The following CHST9 variants were observed in gnomAD, a reference collection of about 807,000 sequenced individuals.
The protein encoded by CHST9 is GalNAc-4-sulfotransferase 2.
A neutral mutation model predicts 44.4 loss-of-function variants in CHST9; 41 were observed. The observed-to-expected ratio is 0.92, with a 90% CI of 0.72 to 1.20. The LOEUF is 1.20. Ranked by LOEUF, CHST9 falls within the 50% of genes most tolerant of loss-of-function variation. The pLI, the probability that CHST9 is intolerant of heterozygous loss-of-function variation, is 0.00. For missense variants in CHST9, 504 were observed against 516.5 expected, an observed-to-expected ratio of 0.98 and a Z score of 0.23; for synonymous variants, 171 against 178.4, an observed-to-expected ratio of 0.96 and a Z score of 0.33.
At chr18:27,021,922 C>T (rs1423988728) in intron 4 of CHST9, among the ~76,000 whole-genome samples, 1 of 152,188 alleles carries the variant, frequency 6.6e-6, no homozygotes, top group Non-Finnish European at 1.5e-5. Flanking sequence ...TGGCCTCAAG[C>T]AATCCCCCTA....
At chr18:27,071,246 T>C (rs1300098672) in intron 2 of CHST9, among the ~76,000 whole-genome samples, 2 of 152,204 alleles carry the variant, frequency 1.3e-5, no homozygotes, top group Non-Finnish European at 2.9e-5. Context: ...TCTTCCTCTT[T>C]ATCTAGCCTT....
At chr18:27,109,334 A>T (rs553641020) in intron 2 of CHST9, among the ~76,000 whole-genome samples, 3 of 150,690 alleles carry the variant, frequency 2.0e-5, no homozygotes, top group Non-Finnish European at 4.4e-5. Flanking sequence ...GGTTCTTGGG[A>T]TTTATTGTCT....
At chr18:27,034,893 T>TTA (rs1026374764) in intron 3 of CHST9, among the ~76,000 whole-genome samples, 4 of 152,206 alleles carry the variant, frequency 2.6e-5, no homozygotes, top group African/African-American at 9.7e-5. Context: ...GTGGAAAAAG[T>TTA]TGAAAGCTTT....
At chr18:27,140,424 T>C (rs1348195784) in intron 2 of CHST9, among the ~76,000 whole-genome samples, 1 of 152,226 alleles carries the variant, frequency 6.6e-6, no homozygotes, top group Non-Finnish European at 1.5e-5. Flanking sequence ...ACATTTTATA[T>C]GTATGGTATT....
chr18:27,148,300 A>C (rs1567938448), intron 1 of CHST9, among the ~76,000 whole-genome samples: 2 of 151,300 alleles, frequency 1.3e-5, no homozygotes, highest in Non-Finnish European at 2.9e-5. Context: ...GTACATGTGC[A>C]CAACATGCAG....
chr18:26,916,897 T>C lies in CHST9; in HGVS notation c.694A>G (p.Met232Val). The change falls in exon 6 of 6, where the codon ATG becomes GTG. Residue 232 changes from methionine to valine, a missense_variant. Physicochemically the swap from Met to Val is conservative, Grantham distance 21. Coordinates refer to ENST00000618847, the MANE Select transcript of CHST9 (RefSeq NM_031422.6). ...GAGGAAGCCAATCCATTTAGTACCA[T>C]CAGAATTCTTTTCCAATTGGAACAG... ...AGCSNWKRIL[M>V]VLNGLASSAY... is the part of the protein sequence containing the mutation. 6.2e-7 allele frequency: 1 copy of C among 1,613,882 alleles called. No homozygotes were observed.
intron 4 of CHST9, among the ~76,000 whole-genome samples, chr18:26,969,374 C>CTGTGTGTGTGTGTGTGTG (rs752526316): frequency 6.7e-6 from 1 of 149,240 alleles, no homozygotes; most frequent in African/African-American, 2.5e-5. Context: ...CTCTCTCTCT[C>CTGTGTGTGTGTGTGTGTG]TCTGTGTGTG....
chr18:27,053,158 GAA>G (rs2057594103), intron 2 of CHST9, among the ~76,000 whole-genome samples: 1 of 144,582 alleles, frequency 6.9e-6, no homozygotes. Context: ...AGAAGAAGAA[GAA>G]GAAGAAGAAG....
intron 3 of CHST9, among the ~76,000 whole-genome samples, chr18:27,041,668 A>T (rs150144489): frequency 1.3e-5 from 2 of 152,110 alleles, no homozygotes; most frequent in Non-Finnish European, 2.9e-5. Context: ...TTCATTAGCT[A>T]CTTAGCATTT....
chr18:27,010,368 A>C (rs2057068203), intron 4 of CHST9, among the ~76,000 whole-genome samples: 1 of 152,118 alleles, frequency 6.6e-6, no homozygotes, highest in Non-Finnish European at 1.5e-5. Flanking sequence ...GTCTACTGTA[A>C]GTCATTGGCC....
chr18:27,057,325 AC>A (rs1393198656), intron 2 of CHST9, among the ~76,000 whole-genome samples: 1 of 152,196 alleles, frequency 6.6e-6, no homozygotes, highest in Non-Finnish European at 1.5e-5. Flanking sequence ...CAATTTGAAA[AC>A]CAACTGGTCT....
intron 2 of CHST9, among the ~76,000 whole-genome samples, chr18:27,077,559 G>T (rs144332929): frequency 7.2e-5 from 11 of 152,056 alleles, no homozygotes; most frequent in Admixed American, 5.9e-4. Flanking sequence ...GAAATATTGT[G>T]GGGGAGGGAG....
chr18:27,151,779 C>T (rs1268636623), intron 1 of CHST9, among the ~76,000 whole-genome samples: 1 of 152,154 alleles, frequency 6.6e-6, no homozygotes, highest in Non-Finnish European at 1.5e-5. Flanking sequence ...ACAGATTCTA[C>T]CCAGAGCTAC....
chr18:27,080,280 G>C (rs981858166), intron 2 of CHST9, among the ~76,000 whole-genome samples: 4 of 151,854 alleles, frequency 2.6e-5, no homozygotes, highest in Admixed American at 6.6e-5. Flanking sequence ...ATCTCCACAA[G>C]GCAATATATG....
chr18:26,982,512 A>G (rs1382723776), intron 4 of CHST9, among the ~76,000 whole-genome samples: 2 of 152,168 alleles, frequency 1.3e-5, no homozygotes, highest in African/African-American at 4.8e-5. Flanking sequence ...TCATTCAGCC[A>G]TTCACTTAGA....
chr18:27,082,945 C>CA (rs2057974924), intron 2 of CHST9, among the ~76,000 whole-genome samples: 1 of 152,120 alleles, frequency 6.6e-6, no homozygotes, highest in Non-Finnish European at 1.5e-5. Context: ...GGTAAGACAA[C>CA]ATCATGTTTC....
intron 2 of CHST9, among the ~76,000 whole-genome samples, chr18:27,141,288 C>A (rs1213274011): frequency 6.6e-6 from 1 of 152,038 alleles, no homozygotes; most frequent in African/African-American, 2.4e-5. Context: ...TGGCGTGAAC[C>A]CAGCAGGCGG....
intron 2 of CHST9, among the ~76,000 whole-genome samples, chr18:27,122,016 G>A (rs966578075): frequency 2.0e-5 from 3 of 152,240 alleles, no homozygotes; most frequent in East Asian, 1.9e-4. Flanking sequence ...TTTGAAGCTC[G>A]TGAGAGGCTG....
chr18:27,092,577 G>A (rs2058079622), intron 2 of CHST9, among the ~76,000 whole-genome samples: 1 of 151,984 alleles, frequency 6.6e-6, no homozygotes, highest in Non-Finnish European at 1.5e-5. Flanking sequence ...TCTCTTGTGG[G>A]CATTTAGTGC....
Sources: allele counts gnomAD v4.1 joint callset (sites outside exome capture counted in the v4.1 genomes callset), GRCh38; gene constraint gnomAD v4.1.1; transcripts MANE v1.5; gene names NCBI Gene and HGNC (gene_info 2026-07-23, HGNC 2026-07-21).